BRCA1: variants seen among roughly 807,000 people sequenced by gnomAD.
BRCA1 encodes the protein BRCA1 DNA repair associated.
A neutral mutation model predicts 173.7 loss-of-function variants in BRCA1; 140 were observed. The ratio of observed to expected loss-of-function variants is 0.81; its 90% CI spans 0.70 to 0.93. BRCA1 has a LOEUF of 0.93. BRCA1 is among the 40% of genes least tolerant of loss of function. BRCA1 has a pLI of 0.00. For synonymous variants in BRCA1, 662 were observed against 756.0 expected (o/e 0.88, Z 2.04); for missense variants, 1,983 against 2,172.5 (o/e 0.91, Z 1.73).
rs375172267 is a variant in BRCA1, at chr17:43,095,587, AAAAC to A, written c.670+255_670+258del. On this transcript the variant is annotated intron_variant, in intron 9 of 22. Transcript: ENST00000357654. ...ACAGAGTGAGACCCCATCTCAAAAA[AAAAC>A]AAACAAACAAACAAAAAAAAAAACG... Among the ~76,000 whole-genome samples the A allele has an allele frequency of 1.8e-3, 276 of 151,528 alleles. 1 individual carries two copies. Among genetic ancestry groups the A allele is most frequent in the Middle Eastern group, 6.8e-3 (2 of 294 alleles).
At chr17:43,109,251 C>T (rs1477044840) in intron 3 of BRCA1, among the ~76,000 whole-genome samples, 1 of 152,202 alleles carries the variant, frequency 6.6e-6, no homozygotes, top group Non-Finnish European at 1.5e-5. Flanking sequence ...CCTGCCTTGG[C>T]ATCCCAACGT....
intron 4 of BRCA1, among the ~76,000 whole-genome samples, chr17:43,105,480 A>G (rs1178791068): frequency 2.6e-5 from 4 of 152,120 alleles, no homozygotes; most frequent in African/African-American, 9.7e-5. Context: ...GCCTCAAGCA[A>G]TCATCCCACC....
At position 43,047,715 on chromosome 17, in the gene BRCA1, G is replaced by A. The variant is rs1432221089; in HGVS notation, c.5407-12C>T. ...ATTGGGTGGACACCCTGGATCCCCA[G>A]GAAGGAAAGAGCATTCAAAGTGTCA... On this transcript the variant is annotated splice_polypyrimidine_tract_variant and intron_variant, in intron 21 of 22. Transcript: ENST00000357654. 3 of 1,613,860 alleles carry A rather than the reference G, an allele frequency of 1.9e-6. No homozygotes were observed. The highest frequency in any genetic ancestry group is 1.7e-5 in the Admixed American group (1 of 59,982).
chr17:43,117,164 G>A (rs937993683), intron 2 of BRCA1, among the ~76,000 whole-genome samples: 2 of 152,160 alleles, frequency 1.3e-5, no homozygotes, highest in East Asian at 1.9e-4. Context: ...GCTTAAGGCC[G>A]GGCATGGTGC....
chr17:43,144,559 G>T (rs2056104727), intron 1 of BRCA1, among the ~76,000 whole-genome samples: 1 of 152,198 alleles, frequency 6.6e-6, no homozygotes, highest in African/African-American at 2.4e-5. Context: ...AGATGGCCCT[G>T]TGCTTCCTCT....
chr17:43,144,297 C>T (rs1334156485), intron 1 of BRCA1: 1 of 279,414 alleles, frequency 3.6e-6, no homozygotes, highest in Non-Finnish European at 7.2e-6. Flanking sequence ...AATGAACATT[C>T]ATGCATGGGC....
At chr17:43,056,619 G>A (rs910715354) in intron 19 of BRCA1, among the ~76,000 whole-genome samples, 6 of 152,014 alleles carry the variant, frequency 3.9e-5, no homozygotes, top group East Asian at 3.9e-4. Flanking sequence ...TTTTCAGTGA[G>A]CTGAGATCGC....
At chr17:43,132,650 C>G (rs2055978243) in intron 1 of BRCA1, 1 of 152,058 alleles carries the variant, frequency 6.6e-6, no homozygotes, top group Non-Finnish European at 1.5e-5. Flanking sequence ...GTGATCTTGG[C>G]TCACTGCAAC....
intron 21 of BRCA1, among the ~76,000 whole-genome samples, chr17:43,048,628 C>T (rs1387948551): frequency 6.6e-6 from 1 of 151,752 alleles, no homozygotes; most frequent in Non-Finnish European, 1.5e-5. Context: ...GATGCTCACA[C>T]CTCAACTTCC....
chr17:43,102,728 C>T lies in BRCA1; in HGVS notation c.441+1394G>A, dbSNP rs2154545687. On this transcript the variant is annotated intron_variant, in intron 6 of 22. Coordinates refer to ENST00000357654, the MANE Select transcript of BRCA1 (RefSeq NM_007294.4). Reference sequence around the variant, plus strand: ...AGTGCAGTGGAGTGATCATAGCTCACTGTAGTCTACATCTCCTGGACTCAA... The same window carrying T: ...AGTGCAGTGGAGTGATCATAGCTCATTGTAGTCTACATCTCCTGGACTCAA... 1.3e-5 allele frequency among the ~76,000 whole-genome samples: 2 copies of T among 151,806 alleles called. 1 individual carries two copies. Among genetic ancestry groups the T allele is most frequent in the Middle Eastern group, 6.8e-3 (2 of 294 alleles).
At chr17:43,140,615 C>T (rs1007349472) in intron 1 of BRCA1, among the ~76,000 whole-genome samples, 4 of 152,160 alleles carry the variant, frequency 2.6e-5, no homozygotes, top group Admixed American at 6.5e-5. Context: ...TCTTCTAAGC[C>T]ATCCCTTATA....
chr17:43,071,379 C>A, intron 14 of BRCA1, 141 bp from the exon 15 acceptor site: 1 of 920,394 alleles, frequency 1.1e-6, no homozygotes, highest in Non-Finnish European at 1.7e-6. Context: ...GGTGGAAATC[C>A]AAAGTAGCTT....
intron 9 of BRCA1, 45 bp from the exon 10 acceptor site, chr17:43,094,905 C>A (rs1184958055): frequency 1.3e-6 from 2 of 1,534,096 alleles, no homozygotes; most frequent in South Asian, 2.3e-5. Flanking sequence ...ACTGAATTGT[C>A]ATTAAAAAAA....
chr17:43,091,007 ACT>A lies in BRCA1; in HGVS notation c.4120_4121del (p.Ser1374Ter), dbSNP rs80357787. On this transcript the variant is annotated frameshift_variant, in exon 11 of 23. Transcript: ENST00000357654. LOFTEE classifies it high-confidence loss of function. ...NLGEAASGCESETSVSEDCSG... is the reference protein window; with the variant it reads ...NLGEAASGCEXETSVSEDCSG... ...AGCAGTCTTCAGAGACGCTTGTTTC[ACT>A]CTCACACCCAGATGCTGCTTCACCT... 6.2e-7 allele frequency: 1 copy of A among 1,612,752 alleles called. No individual in the cohort carries two copies. Among genetic ancestry groups the A allele is most frequent in the Non-Finnish European group, 8.5e-7 (1 of 1,179,552 alleles).
chr17:43,159,755 T>C lies in BRCA1; in HGVS notation c.-20+10371A>G, dbSNP rs554347062. On this transcript the variant is annotated intron_variant, in intron 1 of 7. Coordinates refer to the BRCA1 transcript ENST00000634433. The stretch of plus-strand genomic sequence containing the variant: ...AGGAAAACCAGAGACCTTTGTTCAC[T>C]TGTTTATCTGCTGACCTTCCCTCCA... 1.0e-4 allele frequency: 17 copies of C among 165,178 alleles called. No homozygotes were observed. The East Asian group carries it at 2.7e-3, about 27-fold the overall frequency. The allele number at this position is 165,178 out of a possible 1,614,324, so 10.2% of individuals were successfully genotyped here.
At position 43,071,034 on chromosome 17, in the gene BRCA1, G is replaced by A. The variant is rs764015648; in HGVS notation, c.4880C>T (p.Ala1627Val). 6.2e-7 allele frequency: 1 copy of A among 1,614,180 alleles called. No homozygotes were observed. ...CTCCCTGCTCACACTTTCTTCCATT[G>A]CATTATACCCAGCAGTATCAGTAGT... ...AHTTDTAGYN[A>V]MEESVSREKP... is the part of the protein sequence containing the mutation. The change falls in exon 15 of 23, where the codon GCA (alanine) becomes GTA (valine). Residue 1627 changes from alanine (A) to valine (V), a missense_variant. Ala to Val is a moderately conservative substitution (Grantham distance 64). Coordinates refer to ENST00000357654, the MANE Select transcript of BRCA1 (RefSeq NM_007294.4).
chr17:43,138,557 A>C, intron 1 of BRCA1: 1 of 687,188 alleles, frequency 1.5e-6, no homozygotes, highest in Non-Finnish European at 2.7e-6. Context: ...GTGCCAGGAC[A>C]CCTCCAAGTA....
intron 1 of BRCA1, among the ~76,000 whole-genome samples, chr17:43,158,767 C>T (rs2056213703): frequency 6.6e-6 from 1 of 152,010 alleles, no homozygotes; most frequent in Non-Finnish European, 1.5e-5. Context: ...TCTCTGCTGC[C>T]CTGGAGTTTA....
chr17:43,147,407 T>A (rs1228621760), intron 1 of BRCA1, among the ~76,000 whole-genome samples: 1 of 152,170 alleles, frequency 6.6e-6, no homozygotes, highest in African/African-American at 2.4e-5. Flanking sequence ...GCCAGGATGG[T>A]CTCGATCTCC....
Sources: allele counts gnomAD v4.1 joint callset (sites outside exome capture counted in the v4.1 genomes callset), GRCh38; gene constraint gnomAD v4.1.1; transcripts MANE v1.5; gene names NCBI Gene and HGNC (gene_info 2026-07-23, HGNC 2026-07-21).